Variants in PAX7 observed in about 807,000 individuals in gnomAD.
PAX7 encodes paired box 7, also known as paired box protein Pax-7.
Under a neutral mutation model 50.7 loss-of-function variants are expected in PAX7, and 18 were observed. That is an observed-to-expected ratio of 0.36 (90% CI 0.25 to 0.53). PAX7 has a LOEUF of 0.53. Ranked by LOEUF, PAX7 falls within the 20% of genes least tolerant of loss-of-function variation. The pLI is 0.93. For missense variants in PAX7, 644 were observed against 702.9 expected (o/e 0.92, Z 0.95); for synonymous variants, 310 against 290.4 (o/e 1.07, Z -0.69).
chr1:18,682,984 T>C (rs575548225), intron 4 of PAX7, among the ~76,000 whole-genome samples: 7 of 152,138 alleles, frequency 4.6e-5, no homozygotes, highest in African/African-American at 1.7e-4. Flanking sequence ...CTGGCTGGGG[T>C]CCCTGCTCAC....
chr1:18,657,569 G>T (rs892814692), intron 4 of PAX7, among the ~76,000 whole-genome samples: 12 of 152,144 alleles, frequency 7.9e-5, no homozygotes, highest in Non-Finnish European at 1.6e-4. Flanking sequence ...CTGAGCTAGA[G>T]ACCTGGTCTC....
chr1:18,731,980 A>G (rs937898992), intron 7 of PAX7, among the ~76,000 whole-genome samples: 1 of 151,948 alleles, frequency 6.6e-6, no homozygotes, highest in Non-Finnish European at 1.5e-5. Flanking sequence ...CCTTCTTGCT[A>G]TTTCCTAAAC....
At chr1:18,698,648 T>C (rs2089178344) in intron 5 of PAX7, among the ~76,000 whole-genome samples, 1 of 152,176 alleles carries the variant, frequency 6.6e-6, no homozygotes, top group African/African-American at 2.4e-5. Context: ...GGCAAGGCCA[T>C]TCCTTGCAGG....
intron 4 of PAX7, among the ~76,000 whole-genome samples, chr1:18,684,276 A>G (rs559001423): frequency 2.1e-4 from 32 of 152,300 alleles, no homozygotes; most frequent in African/African-American, 6.0e-4. Context: ...GCTGCATGAG[A>G]GGCGTGAAGG....
chr1:18,736,659 T>C (rs1014736001), intron 8 of PAX7, among the ~76,000 whole-genome samples: 8 of 152,214 alleles, frequency 5.3e-5, no homozygotes, highest in Non-Finnish European at 1.2e-4. Context: ...CCCATTTTAA[T>C]TCGGACACTG....
In PAX7 at chr1:18,698,255, G is replaced by T. The variant is rs2089173815; in HGVS notation, c.787-2398G>T. Reference sequence around the variant, plus strand: ...AAAATGCACAACACTCCCATAAAGGGAAGGCAATTGTTAAAATACACACAC... The same window carrying T: ...AAAATGCACAACACTCCCATAAAGGTAAGGCAATTGTTAAAATACACACAC... On this transcript the variant is annotated intron_variant, in intron 5 of 8. Transcript: ENST00000420770. 2.0e-5 allele frequency among the ~76,000 whole-genome samples: 3 copies of T among 146,474 alleles called. No individual in the cohort carries two copies. In the East Asian group the frequency reaches 6.3e-4, roughly 31 times the overall value.
chr1:18,725,317 CA>C (rs1557553408), intron 7 of PAX7, among the ~76,000 whole-genome samples: 194 of 138,300 alleles, frequency 1.4e-3, no homozygotes, highest in East Asian at 4.6e-3. Context: ...CCCCCCGCCC[CA>C]CCAACACCGC....
At chr1:18,702,962 T>C (rs2089239985) in intron 6 of PAX7, 132 bp from the exon 7 acceptor site, 1 of 801,760 alleles carries the variant, frequency 1.2e-6, no homozygotes, top group Admixed American at 2.7e-5. Context: ...CCAGGTAGCA[T>C]GAGAGGGTGG....
At chr1:18,646,117 C>T (rs2088334035) in intron 4 of PAX7, among the ~76,000 whole-genome samples, 1 of 152,244 alleles carries the variant, frequency 6.6e-6, no homozygotes, top group South Asian at 2.1e-4. Flanking sequence ...AATGCCCACC[C>T]GTTCTACCTT....
At chr1:18,736,194 G>A (rs1460419853) in intron 8 of PAX7, 6 of 584,882 alleles carry the variant, frequency 1.0e-5, no homozygotes, top group Non-Finnish European at 1.8e-5. Context: ...GCCAGGCGTG[G>A]TGGCTCATGC....
At chr1:18,673,882 G>A (rs193074180) in intron 4 of PAX7, among the ~76,000 whole-genome samples, 8 of 152,334 alleles carry the variant, frequency 5.3e-5, no homozygotes, top group East Asian at 3.9e-4. Flanking sequence ...GGAATTCGAC[G>A]GAATATCTGT....
intron 4 of PAX7, among the ~76,000 whole-genome samples, chr1:18,661,066 A>C (rs1355485376): frequency 6.6e-6 from 1 of 152,170 alleles, no homozygotes; most frequent in Admixed American, 6.5e-5. Context: ...GGGCCAAAGC[A>C]TGGAGGATTA....
At chr1:18,659,342 G>A (rs1245477100) in intron 4 of PAX7, among the ~76,000 whole-genome samples, 3 of 152,160 alleles carry the variant, frequency 2.0e-5, no homozygotes, top group Non-Finnish European at 4.4e-5. Flanking sequence ...GAAAGGGGAG[G>A]GGGCAGCCAG....
At chr1:18,639,979 C>G (rs897179716) in intron 4 of PAX7, among the ~76,000 whole-genome samples, 5 of 144,620 alleles carry the variant, frequency 3.5e-5, no homozygotes, top group African/African-American at 1.3e-4. Flanking sequence ...GCATTTTTCT[C>G]CAGGGGACGG....
At position 18,745,275 on chromosome 1, in the gene PAX7, C is replaced by A. The variant is rs919770028; in HGVS notation, c.*346C>A. 1.5e-4 allele frequency: 50 copies of A among 332,368 alleles called. No individual in the cohort carries two copies. Among genetic ancestry groups the A allele is most frequent in the African/African-American group, 1.0e-3 (49 of 48,122 alleles). 20.6% of individuals were successfully genotyped at this position (332,368 alleles called of 1,614,324 possible). A position where few individuals can be genotyped will look rare whatever the true frequency, so the allele number is the denominator to read the frequency against. ...CTTGGGTGTCCAGAGGAGGATGGTG[C>A]CTGAGAGGAGGTCCTACAGCCCTTT... On this transcript the variant is annotated 3_prime_UTR_variant, in exon 9 of 9. Transcript: ENST00000420770.
In PAX7 at chr1:18,745,340, T is replaced by G. The variant is rs540492013; in HGVS notation, c.*411T>G. 1.7e-3 allele frequency: 462 copies of G among 266,492 alleles called. No individual in the cohort carries two copies. Among genetic ancestry groups the G allele is most frequent in the Non-Finnish European group, 2.7e-3 (375 of 137,790 alleles). 16.5% of individuals were successfully genotyped at this position (266,492 alleles called of 1,614,324 possible). On this transcript the variant is annotated 3_prime_UTR_variant, in exon 9 of 9. Coordinates refer to ENST00000420770, the MANE Select transcript of PAX7 (RefSeq NM_001135254.2). ...TGGGGGCCCTAGCTAGAAGTGGAGGTGAAGCTTTCAGGGCTGCTCTCAGCT... is the reference window on the plus strand; with the variant it reads ...TGGGGGCCCTAGCTAGAAGTGGAGGGGAAGCTTTCAGGGCTGCTCTCAGCT...
chr1:18,668,203 G>A (rs1253665429), intron 4 of PAX7, among the ~76,000 whole-genome samples: 3 of 152,200 alleles, frequency 2.0e-5, no homozygotes, highest in Non-Finnish European at 2.9e-5. Flanking sequence ...CCCAGGCTGA[G>A]AAGTTCTGGC....
intron 4 of PAX7, among the ~76,000 whole-genome samples, chr1:18,670,953 G>T (rs1048595373): frequency 1.3e-5 from 2 of 152,186 alleles, no homozygotes; most frequent in African/African-American, 4.8e-5. Flanking sequence ...CCCAACTCCT[G>T]CCTCAAAAGT....
chr1:18,702,980 C>A, intron 6 of PAX7, 114 bp from the exon 7 acceptor site: 1 of 966,122 alleles, frequency 1.0e-6, no homozygotes, highest in Non-Finnish European at 1.6e-6. Flanking sequence ...TGGTCCCTTC[C>A]CTCCAAGGAA....
Sources: allele counts gnomAD v4.1 joint callset (sites outside exome capture counted in the v4.1 genomes callset), GRCh38; gene constraint gnomAD v4.1.1; transcripts MANE v1.5; gene names NCBI Gene and HGNC (gene_info 2026-07-23, HGNC 2026-07-21).